MEMO1: variants seen among roughly 807,000 people sequenced by gnomAD.
The protein encoded by MEMO1 is mediator of cell motility 1.
In MEMO1, 6 loss-of-function variants were observed where a neutral mutation model predicts 45.2. That is an observed-to-expected ratio of 0.13 (90% CI 0.07 to 0.26). MEMO1 has a LOEUF of 0.26. Ranked by LOEUF, MEMO1 falls within the 10% of genes least tolerant of loss-of-function variation. The pLI, the probability that MEMO1 is intolerant of heterozygous loss-of-function variation, is 1.00. For missense variants in MEMO1, 184 were observed against 370.5 expected, an observed-to-expected ratio of 0.50 and a Z score of 4.13; for synonymous variants, 78 against 124.3, an observed-to-expected ratio of 0.63 and a Z score of 2.48.
chr2:31,900,960 T>C (rs1678695582), intron 6 of MEMO1, among the ~76,000 whole-genome samples: 1 of 152,184 alleles, frequency 6.6e-6, no homozygotes, highest in South Asian at 2.1e-4. Context: ...TAAAAATGTG[T>C]ACAAGAATTT....
intron 8 of MEMO1, among the ~76,000 whole-genome samples, chr2:31,874,274 C>T (rs982534803): frequency 2.0e-5 from 3 of 151,990 alleles, no homozygotes; most frequent in African/African-American, 7.2e-5. Context: ...ATCAGTATCT[C>T]CAACTAGGTT....
At chr2:31,903,780 A>C (rs1416720511) in intron 6 of MEMO1, among the ~76,000 whole-genome samples, 1 of 152,258 alleles carries the variant, frequency 6.6e-6, no homozygotes, top group Non-Finnish European at 1.5e-5. Context: ...ATATGCAGAA[A>C]TATACAAATA....
intron 2 of MEMO1, among the ~76,000 whole-genome samples, chr2:31,996,185 AGGGAGAGAGAGAGACAGAGG>A (rs1171008341): frequency 2.0e-5 from 3 of 151,368 alleles, no homozygotes; most frequent in Non-Finnish European, 4.4e-5. Context: ...GGGAGAGGAG[AGGGAGAGAGAGAGACAGAGG>A]GGGAGAGAGA....
intron 8 of MEMO1, among the ~76,000 whole-genome samples, chr2:31,870,653 T>C (rs566691702): frequency 1.3e-5 from 2 of 152,292 alleles, no homozygotes; most frequent in East Asian, 1.9e-4. Context: ...CTCAGCTCAC[T>C]GCAACCCCTG....
chr2:31,900,484 G>A (rs1019914165), intron 6 of MEMO1, among the ~76,000 whole-genome samples: 25 of 151,948 alleles, frequency 1.6e-4, no homozygotes, highest in Non-Finnish European at 3.2e-4. Flanking sequence ...TTAACAGTGA[G>A]AACATATGGA....
chr2:31,924,339 A>C (rs1264971692), intron 4 of MEMO1, among the ~76,000 whole-genome samples: 3 of 152,078 alleles, frequency 2.0e-5, no homozygotes, highest in African/African-American at 7.2e-5. Flanking sequence ...TAAATAATAG[A>C]GGCATTAGAA....
chr2:31,954,411 C>G (rs1313084315), intron 2 of MEMO1, among the ~76,000 whole-genome samples: 2 of 152,040 alleles, frequency 1.3e-5, no homozygotes, highest in Admixed American at 1.3e-4. Flanking sequence ...TAGTGAGACC[C>G]CTGTTTAACA....
At chr2:31,998,795 G>A (rs369625405) in intron 2 of MEMO1, among the ~76,000 whole-genome samples, 3 of 147,886 alleles carry the variant, frequency 2.0e-5, no homozygotes, top group East Asian at 2.0e-4. Flanking sequence ...GTGAGACTCC[G>A]TCTCAAAAAA....
chr2:31,882,854 G>C (rs537526130), intron 8 of MEMO1, among the ~76,000 whole-genome samples: 1 of 152,214 alleles, frequency 6.6e-6, no homozygotes, highest in South Asian at 2.1e-4. Context: ...ACAGAATACA[G>C]ATTTTTATTA....
rs139804919 is a variant in MEMO1, at chr2:31,949,432, C to T, written c.62-6049G>A. 3.1e-3 allele frequency among the ~76,000 whole-genome samples: 471 copies of T among 152,042 alleles called. 1 individual carries two copies. Among genetic ancestry groups the T allele is most frequent in the Non-Finnish European group, 4.8e-3 (323 of 67,970 alleles). ...CATAAGCCATAAAAAAGAATGAGAT[C>T]CAGTCATCTGCAATAACATGGATAG... On this transcript the variant is annotated intron_variant, in intron 2 of 9. Transcript: ENST00000404530.
intron 2 of MEMO1, among the ~76,000 whole-genome samples, chr2:31,964,219 T>G (rs1358051027): frequency 6.6e-6 from 1 of 151,998 alleles, no homozygotes; most frequent in African/African-American, 2.4e-5. Flanking sequence ...AAACCCAGTT[T>G]CTTTATACAT....
At chr2:31,920,187 C>T (rs1187213558) in intron 5 of MEMO1, among the ~76,000 whole-genome samples, 1 of 151,538 alleles carries the variant, frequency 6.6e-6, no homozygotes, top group African/African-American at 2.4e-5. Flanking sequence ...GAAAAAATAC[C>T]TTTATAAAAT....
At chr2:31,994,618 C>T (rs1672343755) in intron 2 of MEMO1, among the ~76,000 whole-genome samples, 1 of 151,098 alleles carries the variant, frequency 6.6e-6, no homozygotes, top group Non-Finnish European at 1.5e-5. Context: ...GTGACAGAGC[C>T]AGACTTTGTC....
At chr2:31,998,799 CAAA>C (rs1186000366) in intron 2 of MEMO1, among the ~76,000 whole-genome samples, 2 of 105,710 alleles carry the variant, frequency 1.9e-5, no homozygotes, top group Non-Finnish European at 2.0e-5. Context: ...GACTCCGTCT[CAAA>C]AAAAAAAAAA....
intron 8 of MEMO1, 105 bp from the exon 9 acceptor site, chr2:31,870,057 A>G (rs1279112425): frequency 1.6e-5 from 14 of 897,710 alleles, no homozygotes; most frequent in Non-Finnish European, 2.1e-5. Context: ...TAATTCTTCA[A>G]TTAGGGAGAC....
At chr2:31,918,163 C>A in intron 5 of MEMO1, 126 bp from the exon 6 acceptor site, 1 of 475,080 alleles carries the variant, frequency 2.1e-6, no homozygotes, top group Non-Finnish European at 3.5e-6. Flanking sequence ...ATAATATTCT[C>A]ATTTTTATTA....
intron 2 of MEMO1, among the ~76,000 whole-genome samples, chr2:31,959,190 C>T (rs1316685154): frequency 1.3e-5 from 2 of 151,940 alleles, no homozygotes; most frequent in Admixed American, 6.6e-5. Context: ...AGAGTGTGAG[C>T]CTTAAGTGCA....
intron 8 of MEMO1, among the ~76,000 whole-genome samples, chr2:31,874,254 A>T (rs1026812432): frequency 6.6e-6 from 1 of 152,100 alleles, no homozygotes; most frequent in African/African-American, 2.4e-5. Context: ...AAGTAAGTAA[A>T]GTTTACAAGA....
intron 2 of MEMO1, among the ~76,000 whole-genome samples, chr2:31,985,481 A>G (rs780404179): frequency 2.0e-5 from 3 of 152,178 alleles, no homozygotes; most frequent in African/African-American, 4.8e-5. Flanking sequence ...GAGCGCCACC[A>G]TGCCCAGCTA....
Sources: gnomAD v4.1 joint callset for allele counts (sites outside exome capture counted in the v4.1 genomes callset) on GRCh38, gnomAD v4.1.1 for gene constraint, MANE v1.5 for transcripts, NCBI Gene and HGNC (gene_info 2026-07-23, HGNC 2026-07-21) for gene names.